ZFHX3: variants seen among roughly 807,000 people sequenced by gnomAD.
The protein encoded by ZFHX3 is zinc finger homeobox 3.
In ZFHX3, 42 loss-of-function variants were observed where a neutral mutation model predicts 279.1. The observed-to-expected ratio is 0.15, with a 90% CI of 0.12 to 0.19. The LOEUF (loss-of-function observed/expected upper bound fraction) is 0.19, where lower values mean the gene tolerates loss of function less well. Among genes scored for constraint, ZFHX3 ranks in the 10% least tolerant of loss-of-function variants. ZFHX3 has a pLI of 1.00. For missense variants in ZFHX3, 4,981 were observed against 4,754.0 expected, an observed-to-expected ratio of 1.05 and a Z score of -1.40; for synonymous variants, 2,293 against 1,957.8, an observed-to-expected ratio of 1.17 and a Z score of -4.52.
intron 5 of ZFHX3, among the ~76,000 whole-genome samples, chr16:73,197,923 GGT>G (rs1968184894): frequency 1.1e-5 from 1 of 88,768 alleles, no homozygotes; most frequent in African/African-American, 3.8e-5. Context: ...CTGATTTGGT[GGT>G]TTTTTTTTTT....
intron 4 of ZFHX3, among the ~76,000 whole-genome samples, chr16:73,289,587 G>T (rs1242544688): frequency 6.6e-6 from 1 of 151,960 alleles, no homozygotes; most frequent in Non-Finnish European, 1.5e-5. Context: ...TCCTAGGCTG[G>T]CAATCCAAGC....
intron 1 of ZFHX3, among the ~76,000 whole-genome samples, chr16:73,687,659 T>C (rs1036722098): frequency 3.3e-5 from 5 of 151,408 alleles, no homozygotes; most frequent in African/African-American, 1.2e-4. Context: ...CTGACCAACA[T>C]AGTGAAACCC....
At chr16:73,077,142 A>C (rs544708630) in intron 8 of ZFHX3, among the ~76,000 whole-genome samples, 1 of 152,032 alleles carries the variant, frequency 6.6e-6, no homozygotes, top group Non-Finnish European at 1.5e-5. Context: ...CCAATCCCCA[A>C]ATTTTCTGAA....
At chr16:73,747,817 A>G (rs1257713796) in intron 1 of ZFHX3, among the ~76,000 whole-genome samples, 1 of 152,196 alleles carries the variant, frequency 6.6e-6, no homozygotes, top group Non-Finnish European at 1.5e-5. Context: ...CATGTCCCAT[A>G]GTATTTTTCA....
chr16:72,829,587 A>G (rs983534390), intron 5 of ZFHX3, 192 bp downstream of exon 5: 2 of 609,324 alleles, frequency 3.3e-6, no homozygotes, highest in Non-Finnish European at 5.8e-6. Flanking sequence ...ATAATGTAGT[A>G]TAATAAAGAA....
At chr16:73,733,026 G>A (rs1469897379) in intron 1 of ZFHX3, among the ~76,000 whole-genome samples, 1 of 152,152 alleles carries the variant, frequency 6.6e-6, no homozygotes, top group African/African-American at 2.4e-5. Context: ...TTATTTTAAT[G>A]TTAGGTGATG....
chr16:73,243,197 A>G (rs548308600), intron 5 of ZFHX3, among the ~76,000 whole-genome samples: 15 of 152,326 alleles, frequency 9.8e-5, no homozygotes, highest in African/African-American at 3.4e-4. Flanking sequence ...AACATTTTGA[A>G]GTGGTTATAT....
intron 1 of ZFHX3, among the ~76,000 whole-genome samples, chr16:72,987,606 T>C (rs886540656): frequency 2.0e-5 from 3 of 152,210 alleles, no homozygotes; most frequent in South Asian, 2.1e-4. Context: ...AGCTCCTTTA[T>C]AGACATCTGG....
intron 2 of ZFHX3, among the ~76,000 whole-genome samples, chr16:73,529,743 C>T (rs12919567): frequency 0.039 from 6,001 of 152,272 alleles, 156 homozygotes; most frequent in South Asian, 0.076. Context: ...GACGTTCACC[C>T]TCCAAATTCC....
At chr16:73,446,690 T>C (rs578250693) in intron 3 of ZFHX3, among the ~76,000 whole-genome samples, 4 of 152,002 alleles carry the variant, frequency 2.6e-5, no homozygotes, top group Admixed American at 2.6e-4. Flanking sequence ...TGATGAGAAC[T>C]CATAAACACA....
intron 1 of ZFHX3, among the ~76,000 whole-genome samples, chr16:72,976,630 C>G (rs575697686): frequency 1.3e-5 from 2 of 152,326 alleles, no homozygotes; most frequent in Non-Finnish European, 2.9e-5. Context: ...ACTCAGCACT[C>G]CACGTGGCCA....
chr16:73,304,529 C>T (rs914974907), intron 4 of ZFHX3, among the ~76,000 whole-genome samples: 2 of 152,280 alleles, frequency 1.3e-5, no homozygotes, highest in South Asian at 4.1e-4. Context: ...CCGGTCCCAT[C>T]CCCCACTCTC....
At chr16:72,976,707 C>A (rs768226118) in intron 1 of ZFHX3, among the ~76,000 whole-genome samples, 19 of 152,240 alleles carry the variant, frequency 1.2e-4, no homozygotes, top group Non-Finnish European at 2.4e-4. Context: ...TCTACCTGCT[C>A]TGATGCCAGA....
chr16:73,053,212 T>A (rs1021888809), intron 1 of ZFHX3, among the ~76,000 whole-genome samples: 1 of 152,116 alleles, frequency 6.6e-6, no homozygotes, highest in Non-Finnish European at 1.5e-5. Flanking sequence ...GGGGTTCCAA[T>A]TGTAGATCAC....
At chr16:73,748,059 T>G (rs1040463891) in intron 1 of ZFHX3, among the ~76,000 whole-genome samples, 2 of 152,216 alleles carry the variant, frequency 1.3e-5, no homozygotes, top group African/African-American at 4.8e-5. Flanking sequence ...GGGATAATAG[T>G]CTATCCAGTG....
At chr16:73,210,258 G>C (rs573122385) in intron 5 of ZFHX3, among the ~76,000 whole-genome samples, 1 of 152,130 alleles carries the variant, frequency 6.6e-6, no homozygotes, top group African/African-American at 2.4e-5. Flanking sequence ...GCTGGATCGG[G>C]TTAGCTGTGC....
chr16:73,706,753 AG>A (rs1033310846), intron 1 of ZFHX3, among the ~76,000 whole-genome samples: 3 of 152,112 alleles, frequency 2.0e-5, no homozygotes, highest in Non-Finnish European at 4.4e-5. Context: ...ATCCTTCAAA[AG>A]CCATCTCCTA....
intron 1 of ZFHX3, among the ~76,000 whole-genome samples, chr16:73,881,486 C>T (rs912332854): frequency 2.5e-5 from 2 of 80,688 alleles, no homozygotes; most frequent in Non-Finnish European, 6.8e-5. Flanking sequence ...CTCTGCCCCC[C>T]CCCCCCACTC....
intron 2 of ZFHX3, among the ~76,000 whole-genome samples, chr16:73,588,080 A>G (rs2143835611): frequency 6.7e-6 from 1 of 149,004 alleles, no homozygotes; most frequent in African/African-American, 2.6e-5. Flanking sequence ...CAGTTAAACT[A>G]AAAATCAACA....
Sources: allele counts gnomAD v4.1 joint callset (sites outside exome capture counted in the v4.1 genomes callset), GRCh38; gene constraint gnomAD v4.1.1; transcripts MANE v1.5; gene names NCBI Gene and HGNC (gene_info 2026-07-23, HGNC 2026-07-21).